Variants in SMIM23 observed in about 807,000 individuals in gnomAD.
SMIM23 encodes CTB-78H18.1.
SMIM23 carries 10 observed loss-of-function variants against 12.8 expected under a neutral mutation model. That is an observed-to-expected ratio of 0.78 (90% confidence interval 0.48 to 1.32). The LOEUF (loss-of-function observed/expected upper bound fraction) is 1.32. Ranked by LOEUF, SMIM23 falls within the 40% of genes most tolerant of loss-of-function variation. The pLI, the probability that SMIM23 is intolerant of heterozygous loss-of-function variation, is 0.00. For missense variants in SMIM23, 184 were observed against 198.2 expected (o/e 0.93, Z 0.43); for synonymous variants, 78 against 80.1 (o/e 0.97, Z 0.14).
chr5:171,775,259 G>A, the SMIM23 span, among the ~76,000 whole-genome samples: 2 of 152,278 alleles, frequency 1.3e-5, no homozygotes, highest in African/African-American at 4.8e-5. Context: ...CACAATTGGA[G>A]AGAGAAAGAA....
chr5:171,790,633 A>C (rs1452300561), intron 3 of SMIM23, 84 bp downstream of exon 3: 1 of 1,421,438 alleles, frequency 7.0e-7, no homozygotes, highest in Non-Finnish European at 9.6e-7. Flanking sequence ...GGGTCATGAA[A>C]GATAAGTAGT....
upstream of SMIM23, among the ~76,000 whole-genome samples, chr5:171,780,228 GC>G (rs1755704724): frequency 1.3e-5 from 2 of 152,090 alleles, no homozygotes; most frequent in South Asian, 4.1e-4. Context: ...TTCATTCCCT[GC>G]CCCCGCCAAC....
chr5:171,785,001 C>T (rs1298653922), upstream of SMIM23, among the ~76,000 whole-genome samples: 1 of 152,058 alleles, frequency 6.6e-6, no homozygotes, highest in Non-Finnish European at 1.5e-5. Context: ...AAAGAGAGAG[C>T]AGATGAGTGA....
chr5:171,779,935 T>C (rs1192470571), upstream of SMIM23, among the ~76,000 whole-genome samples: 1 of 152,068 alleles, frequency 6.6e-6, no homozygotes, highest in African/African-American at 2.4e-5. Flanking sequence ...AGTTAGTTCA[T>C]CTCGTTTAGC....
At chr5:171,787,928 A>G (rs899909948) in intron 1 of SMIM23, among the ~76,000 whole-genome samples, 1 of 151,640 alleles carries the variant, frequency 6.6e-6, no homozygotes, top group African/African-American at 2.4e-5. Flanking sequence ...AGTTGTTGCT[A>G]TGTAACATTT....
At chr5:171,775,313 C>A in the SMIM23 span, among the ~76,000 whole-genome samples, 1 of 152,198 alleles carries the variant, frequency 6.6e-6, no homozygotes, top group Admixed American at 6.5e-5. Context: ...CACTCCAGCA[C>A]CAAGAACTGA....
intron 1 of SMIM23, 126 bp from the exon 2 acceptor site, chr5:171,790,104 C>A: frequency 1.1e-6 from 1 of 918,188 alleles, no homozygotes; most frequent in Non-Finnish European, 1.7e-6. Context: ...ATAACTAGAA[C>A]AAAAGTTAAA....
intron 1 of SMIM23, among the ~76,000 whole-genome samples, chr5:171,789,229 A>T (rs1755878190): frequency 6.6e-6 from 1 of 152,248 alleles, no homozygotes; most frequent in Non-Finnish European, 1.5e-5. Flanking sequence ...TAAAAAGGCT[A>T]GCTAATGCAT....
upstream of SMIM23, among the ~76,000 whole-genome samples, chr5:171,784,429 C>T (rs1221135118): frequency 6.6e-6 from 1 of 151,828 alleles, no homozygotes; most frequent in African/African-American, 2.4e-5. Flanking sequence ...GGCGTGAACC[C>T]GGGAGGCAGA....
chr5:171,788,607 G>C (rs928969351), intron 1 of SMIM23, among the ~76,000 whole-genome samples: 1 of 152,080 alleles, frequency 6.6e-6, no homozygotes, highest in Non-Finnish European at 1.5e-5. Context: ...TTTAACTTAG[G>C]TGAAATGGAC....
At chr5:171,781,167 C>T (rs78094441), upstream of SMIM23, among the ~76,000 whole-genome samples, 10,096 of 152,164 alleles carry the variant, frequency 0.066, 859 homozygotes, top group African/African-American at 0.19. Flanking sequence ...CAGAAGTCCT[C>T]GGTAAGGTTT....
At chr5:171,788,849 AT>A (rs140309710) in intron 1 of SMIM23, among the ~76,000 whole-genome samples, 2,839 of 152,144 alleles carry the variant, frequency 0.019, 82 homozygotes, top group African/African-American at 0.065. Flanking sequence ...AGAAAAAAAA[AT>A]TTTTTTTGAG....
At chr5:171,773,228 A>G in the SMIM23 span, among the ~76,000 whole-genome samples, 3 of 152,342 alleles carry the variant, frequency 2.0e-5, no homozygotes, top group South Asian at 6.2e-4. Flanking sequence ...GAATGCGGAC[A>G]TTGACCTCAG....
chr5:171,782,797 T>G (rs1755751577), upstream of SMIM23: 1 of 152,316 alleles, frequency 6.6e-6, no homozygotes, highest in Admixed American at 6.5e-5. Context: ...ACGGGCTGCG[T>G]AAGGGGCATC....
At chr5:171,782,121 G>T (rs150506407), upstream of SMIM23, among the ~76,000 whole-genome samples, 41 of 152,198 alleles carry the variant, frequency 2.7e-4, no homozygotes, top group East Asian at 7.9e-3. Flanking sequence ...TCACTCTTTC[G>T]GTCCACCACC....
At chr5:171,783,801 T>C (rs1425562727), upstream of SMIM23, among the ~76,000 whole-genome samples, 1 of 152,220 alleles carries the variant, frequency 6.6e-6, no homozygotes, top group Non-Finnish European at 1.5e-5. Context: ...GCAAACCATA[T>C]ATCCTAAGAA....
upstream of SMIM23, among the ~76,000 whole-genome samples, chr5:171,780,111 G>T (rs1053496518): frequency 1.8e-4 from 27 of 152,244 alleles, no homozygotes; most frequent in Admixed American, 1.8e-3. Context: ...AGCACTGCTT[G>T]GTCTCCACTT....
chr5:171,788,023 T>C (rs1207944250), intron 1 of SMIM23, among the ~76,000 whole-genome samples: 3 of 151,906 alleles, frequency 2.0e-5, no homozygotes, highest in Non-Finnish European at 2.9e-5. Flanking sequence ...ATCTTTCATC[T>C]TCCTTGTTTA....
At chr5:171,787,935 A>AT (rs144396585) in intron 1 of SMIM23, among the ~76,000 whole-genome samples, 3,431 of 149,870 alleles carry the variant, frequency 0.023, 62 homozygotes, top group South Asian at 0.049. Context: ...GCTATGTAAC[A>AT]TTTTTTTTTT....
Sources: gnomAD v4.1 joint callset for allele counts (sites outside exome capture counted in the v4.1 genomes callset) on GRCh38, gnomAD v4.1.1 for gene constraint, MANE v1.5 for transcripts, NCBI Gene and HGNC (gene_info 2026-07-23, HGNC 2026-07-21) for gene names.